C1GALT1: variants seen among roughly 807,000 people sequenced by gnomAD.
C1GALT1 encodes core 1 synthase, glycoprotein-N-acetylgalactosamine 3-beta-galactosyltransferase 1, also known as glycoprotein-N-acetylgalactosamine 3-beta-galactosyltransferase 1.
Under a neutral mutation model 31.0 loss-of-function variants are expected in C1GALT1, and 11 were observed. The observed-to-expected ratio is 0.36, with a 90% confidence interval of 0.22 to 0.59. The LOEUF (loss-of-function observed/expected upper bound fraction) is 0.59, where lower values mean the gene tolerates loss of function less well. Among genes scored for constraint, C1GALT1 ranks in the 20% least tolerant of loss-of-function variants. The pLI is 0.79. For missense variants in C1GALT1, 424 were observed against 425.2 expected (o/e 1.00, Z 0.03); for synonymous variants, 175 against 143.6 (o/e 1.22, Z -1.56).
At chr7:7,158,539 G>C (rs1189525318) in intron 2 of C1GALT1, among the ~76,000 whole-genome samples, 1 of 150,460 alleles carries the variant, frequency 6.6e-6, no homozygotes, top group East Asian at 1.9e-4. Flanking sequence ...CACTTAGTAT[G>C]TTTTTTCATT....
At chr7:7,207,335 C>CTTTCTT (rs1781786190) in intron 1 of C1GALT1, among the ~76,000 whole-genome samples, 1 of 47,972 alleles carries the variant, frequency 2.1e-5, no homozygotes, top group Non-Finnish European at 3.8e-5. Flanking sequence ...TACTCTGTTG[C>CTTTCTT]TTTTTTTTTT....
At chr7:7,178,607 A>G (rs1220489941), upstream of C1GALT1, among the ~76,000 whole-genome samples, 1 of 152,216 alleles carries the variant, frequency 6.6e-6, no homozygotes, top group African/African-American at 2.4e-5. Flanking sequence ...GCTCTCAGTA[A>G]GATTCACACT....
intron 2 of C1GALT1, among the ~76,000 whole-genome samples, chr7:7,163,979 A>G (rs538195440): frequency 6.6e-6 from 1 of 152,286 alleles, no homozygotes; most frequent in Non-Finnish European, 1.5e-5. Context: ...TAAAGTTCAT[A>G]TGGAACCAAA....
intron 1 of C1GALT1, among the ~76,000 whole-genome samples, chr7:7,230,018 C>G (rs1190671844): frequency 6.6e-6 from 1 of 152,138 alleles, no homozygotes; most frequent in African/African-American, 2.4e-5. Context: ...GGCAGCTTTG[C>G]TTATACTGTG....
At chr7:7,224,392 A>C (rs1238214772) in intron 1 of C1GALT1, among the ~76,000 whole-genome samples, 1 of 152,006 alleles carries the variant, frequency 6.6e-6, no homozygotes, top group South Asian at 2.1e-4. Context: ...TTAAAACATT[A>C]AAAAATAATT....
intron 1 of C1GALT1, among the ~76,000 whole-genome samples, chr7:7,207,335 C>CCTT (rs1781785674): frequency 6.2e-5 from 3 of 48,006 alleles, no homozygotes; most frequent in South Asian, 8.9e-4. Flanking sequence ...TACTCTGTTG[C>CCTT]TTTTTTTTTT....
chr7:7,204,411 A>G (rs1362836933), intron 1 of C1GALT1, among the ~76,000 whole-genome samples: 2 of 151,944 alleles, frequency 1.3e-5, no homozygotes, highest in African/African-American at 4.8e-5. Context: ...ACTATTAGCA[A>G]TGCCCTACTT....
At chr7:7,182,942 C>A in intron 1 of C1GALT1, 122 bp downstream of exon 1, 1 of 731,830 alleles carries the variant, frequency 1.4e-6, no homozygotes, top group Non-Finnish European at 1.7e-6. Context: ...CGCGGCGGAA[C>A]AGGTGTCTCG....
intron 1 of C1GALT1, among the ~76,000 whole-genome samples, chr7:7,220,270 T>G (rs559953283): frequency 1.3e-5 from 2 of 152,358 alleles, no homozygotes; most frequent in East Asian, 3.9e-4. Context: ...CTTAGAAGAA[T>G]ATCCTTTTCA....
At chr7:7,160,619 A>G (rs1003333517) in intron 2 of C1GALT1, among the ~76,000 whole-genome samples, 6 of 152,154 alleles carry the variant, frequency 3.9e-5, no homozygotes, top group African/African-American at 1.4e-4. Context: ...TCAGTAAAAG[A>G]GAAGTCAAGT....
chr7:7,178,524 T>C (rs1780530656), upstream of C1GALT1, among the ~76,000 whole-genome samples: 1 of 152,186 alleles, frequency 6.6e-6, no homozygotes, highest in Admixed American at 6.5e-5. Flanking sequence ...GAAAAACAAC[T>C]GGGGGCAGAA....
At chr7:7,188,700 C>G (rs949513283) in intron 1 of C1GALT1, among the ~76,000 whole-genome samples, 1 of 151,950 alleles carries the variant, frequency 6.6e-6, no homozygotes, top group African/African-American at 2.4e-5. Flanking sequence ...AAAATATATA[C>G]AGAAACATTT....
chr7:7,234,875 T>G (rs1447421444), intron 2 of C1GALT1: 1 of 167,098 alleles, frequency 6.0e-6, no homozygotes. Flanking sequence ...TGGTCATAGC[T>G]TTTGCTTAAG....
At chr7:7,175,057 A>G (rs935993959) in intron 2 of C1GALT1, among the ~76,000 whole-genome samples, 4 of 152,098 alleles carry the variant, frequency 2.6e-5, no homozygotes, top group Non-Finnish European at 4.4e-5. Flanking sequence ...TGAGCTTGAA[A>G]AGTGGACATT....
At chr7:7,225,369 T>G (rs1348532107) in intron 1 of C1GALT1, among the ~76,000 whole-genome samples, 1 of 152,242 alleles carries the variant, frequency 6.6e-6, no homozygotes, top group East Asian at 1.9e-4. Flanking sequence ...ACTTGCTTTT[T>G]GCTTTTCCCA....
chr7:7,222,720 T>C (rs1782564407), intron 1 of C1GALT1, among the ~76,000 whole-genome samples: 1 of 152,226 alleles, frequency 6.6e-6, no homozygotes, highest in Non-Finnish European at 1.5e-5. Flanking sequence ...AGGCATTTAG[T>C]AATGGCGTTA....
intron 1 of C1GALT1, among the ~76,000 whole-genome samples, chr7:7,219,764 CTT>C (rs1394843224): frequency 6.6e-6 from 1 of 151,848 alleles, no homozygotes; most frequent in Non-Finnish European, 1.5e-5. Context: ...TTCTTCTAGT[CTT>C]TTTTTAGTAT....
intron 1 of C1GALT1, among the ~76,000 whole-genome samples, chr7:7,230,191 A>C (rs1368019759): frequency 6.6e-6 from 1 of 152,212 alleles, no homozygotes; most frequent in Non-Finnish European, 1.5e-5. Context: ...TTTTATATCA[A>C]ATATGAATAT....
intron 1 of C1GALT1, among the ~76,000 whole-genome samples, chr7:7,205,577 C>G (rs188947023): frequency 6.6e-6 from 1 of 152,118 alleles, no homozygotes; most frequent in Non-Finnish European, 1.5e-5. Flanking sequence ...ATAGATGGAC[C>G]TATACTGTTC....
Sources: allele counts gnomAD v4.1 joint callset (sites outside exome capture counted in the v4.1 genomes callset), GRCh38; gene constraint gnomAD v4.1.1; transcripts MANE v1.5; gene names NCBI Gene and HGNC (gene_info 2026-07-23, HGNC 2026-07-21).